The following CEACAM21 variants were observed in gnomAD, a reference collection of about 807,000 sequenced individuals.
CEACAM21 encodes the protein cell adhesion molecule CEACAM21.
Under a neutral mutation model 33.2 loss-of-function variants are expected in CEACAM21, and 38 were observed. The observed-to-expected ratio is 1.14, with a 90% CI of 0.88 to 1.50. CEACAM21 has a LOEUF of 1.50. Among genes scored for constraint, CEACAM21 ranks in the 40% most tolerant of loss-of-function variants. The pLI is 0.00. For synonymous variants in CEACAM21, 156 were observed against 143.0 expected (o/e 1.09, Z -0.65); for missense variants, 385 against 364.6 (o/e 1.06, Z -0.46).
At chr19:41,563,442 A>C (rs2042030845) in intron 1 of CEACAM21, among the ~76,000 whole-genome samples, 1 of 152,154 alleles carries the variant, frequency 6.6e-6, no homozygotes, top group Non-Finnish European at 1.5e-5. Context: ...AGTGGAGGCG[A>C]GGCACTCTGT....
upstream of CEACAM21, among the ~76,000 whole-genome samples, chr19:41,572,183 A>G (rs1325280645): frequency 6.6e-6 from 1 of 152,214 alleles, no homozygotes; most frequent in African/African-American, 2.4e-5. Flanking sequence ...GAAGAATAAA[A>G]CAAGCATTAC....
chr19:41,556,649 G>T (rs561507651), intron 1 of CEACAM21, among the ~76,000 whole-genome samples: 3 of 152,114 alleles, frequency 2.0e-5, no homozygotes, highest in African/African-American at 7.2e-5. Flanking sequence ...CAAATGCCAC[G>T]CAAACATTAA....
At chr19:41,561,263 AG>A (rs1264679297) in intron 1 of CEACAM21, among the ~76,000 whole-genome samples, 1 of 152,186 alleles carries the variant, frequency 6.6e-6, no homozygotes, top group African/African-American at 2.4e-5. Flanking sequence ...TCAGCCTCCC[AG>A]GTATCGGGGA....
intron 1 of CEACAM21, among the ~76,000 whole-genome samples, chr19:41,557,760 G>A (rs576955319): frequency 6.6e-6 from 1 of 152,354 alleles, no homozygotes; most frequent in South Asian, 2.1e-4. Flanking sequence ...TTTGTCAACA[G>A]GGGATACATC....
At chr19:41,553,288 G>A (rs1555784847) in intron 1 of CEACAM21, among the ~76,000 whole-genome samples, 1 of 151,860 alleles carries the variant, frequency 6.6e-6, no homozygotes, top group Non-Finnish European at 1.5e-5. Context: ...TATTTTTGTA[G>A]AGATGGGGTT....
chr19:41,566,100 C>T (rs1446252105), intron 2 of CEACAM21, among the ~76,000 whole-genome samples: 1 of 152,008 alleles, frequency 6.6e-6, no homozygotes, highest in African/African-American at 2.4e-5. Context: ...CTGAAAGACC[C>T]ACCAAAGGAT....
At chr19:41,579,927 G>A (rs114478851) in intron 3 of CEACAM21, among the ~76,000 whole-genome samples, 3 of 152,260 alleles carry the variant, frequency 2.0e-5, no homozygotes, top group African/African-American at 7.2e-5. Flanking sequence ...AGATTAATGC[G>A]ATTAAAGCCC....
Position 41,584,339 on chromosome 19 carries a change from T to C in CEACAM21, c.701-8T>C. The C allele has an allele frequency of 6.2e-7, 1 of 1,608,314 alleles. No individual in the cohort carries two copies. Among genetic ancestry groups the C allele is most frequent in the South Asian group, 1.1e-5 (1 of 90,088 alleles). ...TTGGACCTCATCCCCTTTGCCTTCT[T>C]CTTTCAGCAGATGACAACACTCTAG... On this transcript the variant is annotated splice_region_variant and splice_polypyrimidine_tract_variant and intron_variant, in intron 3 of 6. Coordinates refer to ENST00000401445, the MANE Select transcript of CEACAM21 (RefSeq NM_001098506.4).
chr19:41,561,722 C>T (rs2041895095), intron 1 of CEACAM21, among the ~76,000 whole-genome samples: 1 of 152,076 alleles, frequency 6.6e-6, no homozygotes, highest in Non-Finnish European at 1.5e-5. Context: ...ATGCTGGTGG[C>T]ACAGAGTGAA....
intron 2 of CEACAM21, among the ~76,000 whole-genome samples, chr19:41,569,508 C>A (rs1215171219): frequency 6.6e-6 from 1 of 151,808 alleles, no homozygotes; most frequent in Non-Finnish European, 1.5e-5. Context: ...GATGGGATTG[C>A]GGGGGGCGGG....
chr19:41,586,530 G>T lies in CEACAM21; in HGVS notation c.*67G>T. 1 of 633,314 alleles carries T rather than the reference G, an allele frequency of 1.6e-6. No homozygotes were observed. The highest frequency in any genetic ancestry group is 1.8e-5 in the Admixed American group (1 of 54,532). The allele number at this position is 633,314 out of a possible 1,614,324, so 39.2% of individuals were successfully genotyped here. On this transcript the variant is annotated 3_prime_UTR_variant, in exon 7 of 7. Coordinates refer to ENST00000401445, the MANE Select transcript of CEACAM21 (RefSeq NM_001098506.4). The stretch of plus-strand genomic sequence containing the variant: ...CCACAAAGCAGATGTGGCTTCTTAG[G>T]TTCCTCTGGGAGCTGCTCCTGTGGG...
At position 41,579,494 on chromosome 19, in the gene CEACAM21, G is replaced by A. The variant is rs986350876; in HGVS notation, c.566G>A (p.Arg189Lys). Reference protein sequence around the residue: ...FNNQRLQVTKRMKLSWFNHVL... With the variant: ...FNNQRLQVTKKMKLSWFNHVL... ...AACCAGCGTCTGCAGGTCACGAAGAGGATGAAGCTGTCCTGGTTTAACCAT... is the reference window on the plus strand; with the variant it reads ...AACCAGCGTCTGCAGGTCACGAAGAAGATGAAGCTGTCCTGGTTTAACCAT... The change falls in exon 3 of 7, where the codon AGG (arginine) becomes AAG (lysine). Residue 189 changes from arginine (R) to lysine (K), a missense_variant. Transcript: ENST00000401445. The A allele has an allele frequency of 5.0e-6, 8 of 1,613,774 alleles. No individual in the cohort carries two copies. The African/African-American group carries it at 6.7e-5, about 13-fold the overall frequency.
At chr19:41,560,540 A>G (rs975379313) in intron 1 of CEACAM21, among the ~76,000 whole-genome samples, 1 of 152,246 alleles carries the variant, frequency 6.6e-6, no homozygotes, top group African/African-American at 2.4e-5. Flanking sequence ...AAAAAAATAC[A>G]GAAAGGAGAA....
upstream of CEACAM21, chr19:41,576,127 C>T: frequency 2.4e-6 from 2 of 847,524 alleles, no homozygotes; most frequent in Non-Finnish European, 3.8e-6. Context: ...CGCCCTTGCC[C>T]ATAAACGGGA....
intron 1 of CEACAM21, among the ~76,000 whole-genome samples, chr19:41,561,742 A>G (rs1342358049): frequency 6.6e-6 from 1 of 152,204 alleles, no homozygotes; most frequent in African/African-American, 2.4e-5. Flanking sequence ...AAAATCAGGA[A>G]CTATTTCTAC....
intron 3 of CEACAM21, among the ~76,000 whole-genome samples, chr19:41,581,264 C>T (rs1331700364): frequency 3.9e-5 from 6 of 152,374 alleles, no homozygotes; most frequent in African/African-American, 1.4e-4. Context: ...ATCTTAAGGG[C>T]GTGTTCCTGT....
intron 1 of CEACAM21, among the ~76,000 whole-genome samples, chr19:41,553,004 C>A (rs1190791336): frequency 6.7e-6 from 1 of 149,218 alleles, no homozygotes; most frequent in Non-Finnish European, 1.5e-5. Flanking sequence ...CAGAGAAATA[C>A]GAATTTAACC....
chr19:41,556,598 TA>T (rs1568578617), intron 1 of CEACAM21, among the ~76,000 whole-genome samples: 1 of 152,254 alleles, frequency 6.6e-6, no homozygotes, highest in Non-Finnish European at 1.5e-5. Flanking sequence ...AACTTTTTTT[TA>T]CCAAAGGTAA....
chr19:41,559,451 A>C lies in CEACAM21; in HGVS notation c.-778-5231A>C, dbSNP rs572917317. On this transcript the variant is annotated intron_variant, in intron 1 of 7. Transcript: ENST00000407170. ...GCAAATGTAAACTGCTAAAATGCTT[A>C]CAGTAGAAAAGATTTTTAAAAGAGG... Among the ~76,000 whole-genome samples the C allele has an allele frequency of 1.1e-4, 17 of 152,352 alleles. No homozygotes were observed. The East Asian group carries it at 2.5e-3, about 22-fold the overall frequency.
Sources: gnomAD v4.1 joint callset for allele counts (sites outside exome capture counted in the v4.1 genomes callset) on GRCh38, gnomAD v4.1.1 for gene constraint, MANE v1.5 for transcripts, NCBI Gene and HGNC (gene_info 2026-07-23, HGNC 2026-07-21) for gene names.